Variants in PWWP2A observed in about 807,000 individuals in gnomAD.
The protein encoded by PWWP2A is PWWP domain containing 2A.
PWWP2A carries 18 observed loss-of-function variants against 48.5 expected under a neutral mutation model. That is an observed-to-expected ratio of 0.37 (90% CI 0.26 to 0.55). The LOEUF is 0.55. PWWP2A is among the 20% of genes least tolerant of loss of function. PWWP2A has a pLI of 0.81. For missense variants in PWWP2A, 867 were observed against 976.4 expected (o/e 0.89, Z 1.49); for synonymous variants, 396 against 387.7 (o/e 1.02, Z -0.25).
chr5:160,089,319 G>GA (rs1754885687), downstream of PWWP2A, among the ~76,000 whole-genome samples: 1 of 152,136 alleles, frequency 6.6e-6, no homozygotes, highest in South Asian at 2.1e-4. Flanking sequence ...AAGTAGCTAG[G>GA]ATACAGGCGA....
At chr5:160,052,968 TC>T in the PWWP2A span, among the ~76,000 whole-genome samples, 1 of 152,220 alleles carries the variant, frequency 6.6e-6, no homozygotes, top group Admixed American at 6.5e-5. Context: ...ATGGCTAGAT[TC>T]CTTTTTTCCC....
the PWWP2A span, among the ~76,000 whole-genome samples, chr5:160,048,422 T>G: frequency 1.3e-5 from 2 of 152,176 alleles, no homozygotes. Flanking sequence ...CCCAAAGTGC[T>G]GGGATTATGG....
chr5:160,071,227 GCTC>G (rs1753731993), downstream of PWWP2A, among the ~76,000 whole-genome samples: 1 of 152,130 alleles, frequency 6.6e-6, no homozygotes, highest in Non-Finnish European at 1.5e-5. Context: ...TATTTCTGGT[GCTC>G]CTTTTTAGTC....
downstream of PWWP2A, among the ~76,000 whole-genome samples, chr5:160,074,319 T>C (rs1355001528): frequency 6.6e-6 from 1 of 150,424 alleles, no homozygotes; most frequent in Non-Finnish European, 1.5e-5. Flanking sequence ...ATGCCTGTAA[T>C]CCCAGCTATT....
the PWWP2A span, chr5:160,049,636 A>G: frequency 1.9e-5 from 31 of 1,592,126 alleles, no homozygotes; most frequent in Admixed American, 3.7e-5. Context: ...AGATCCATCA[A>G]TACATCAAGC....
At chr5:160,089,554 T>C, downstream of PWWP2A, 1 of 1,284,358 alleles carries the variant, frequency 7.8e-7, no homozygotes, top group Non-Finnish European at 1.0e-6. Context: ...CATCTGTAAA[T>C]GAGAGTTGAA....
Position 160,119,083 on chromosome 5 carries a change from C to T in PWWP2A, c.306G>A (p.Ser102=). 1.3e-6 allele frequency: 2 copies of T among 1,588,342 alleles called. No individual in the cohort carries two copies. The highest frequency in any genetic ancestry group is 1.7e-6 in the Non-Finnish European group (2 of 1,175,954). ...EEKLSVRVAE[S]AAAAPQGGPE... ...GCCCTCCCTGAGGCGCGGCTGCCGC[C>T]GACTCCGCCACCCGAACGGACAGTT... Residue 102 remains serine (S), a synonymous_variant, in exon 1 of 2, where the codon TCG becomes TCA. Transcript: ENST00000307063.
chr5:160,088,151 C>T (rs563691736), downstream of PWWP2A, among the ~76,000 whole-genome samples: 1 of 152,334 alleles, frequency 6.6e-6, no homozygotes, highest in East Asian at 1.9e-4. Context: ...AACTAATGCA[C>T]ACTCGCCATT....
chr5:160,051,950 T>G, the PWWP2A span, among the ~76,000 whole-genome samples: 3 of 152,368 alleles, frequency 2.0e-5, no homozygotes, highest in East Asian at 5.8e-4. Context: ...AAAAATCATT[T>G]AAAATAAATT....
At chr5:160,101,056 G>A (rs1443212145) in intron 1 of PWWP2A, among the ~76,000 whole-genome samples, 1 of 152,128 alleles carries the variant, frequency 6.6e-6, no homozygotes, top group African/African-American at 2.4e-5. Context: ...GTCTTAAAAA[G>A]GATGAAATCA....
chr5:160,111,935 TG>T (rs1477235769), intron 1 of PWWP2A, among the ~76,000 whole-genome samples: 2 of 151,694 alleles, frequency 1.3e-5, no homozygotes, highest in African/African-American at 2.4e-5. Context: ...CGGATGAGCC[TG>T]GGCAACAAAG....
the PWWP2A span, among the ~76,000 whole-genome samples, chr5:160,053,764 A>G: frequency 6.6e-6 from 1 of 152,088 alleles, no homozygotes; most frequent in Non-Finnish European, 1.5e-5. Context: ...AGTAGTACAA[A>G]ATGGGTTTTT....
intron 2 of PWWP2A, among the ~76,000 whole-genome samples, chr5:160,084,852 T>A (rs776622145): frequency 6.6e-6 from 1 of 151,954 alleles, no homozygotes; most frequent in African/African-American, 2.4e-5. Flanking sequence ...TTACAAAAAA[T>A]TTTTCCACAG....
At chr5:160,072,573 T>C (rs868153417), downstream of PWWP2A, among the ~76,000 whole-genome samples, 3 of 152,020 alleles carry the variant, frequency 2.0e-5, no homozygotes, top group African/African-American at 7.2e-5. Flanking sequence ...AAATAAATAC[T>C]TTTTTTGTTA....
chr5:160,110,855 A>T (rs1757487990), intron 1 of PWWP2A, among the ~76,000 whole-genome samples: 1 of 151,702 alleles, frequency 6.6e-6, no homozygotes, highest in South Asian at 2.1e-4. Context: ...AACATGATGA[A>T]ATCCGTCTCT....
rs1755074465 is a variant in PWWP2A at position 160,091,625 on chromosome 5, C to T, written c.*757G>A. 2.0e-6 allele frequency: 2 copies of T among 983,970 alleles called. No homozygotes were observed. The highest frequency in any genetic ancestry group is 2.4e-6 in the Non-Finnish European group (2 of 829,372). 61.0% of individuals were successfully genotyped at this position (983,970 alleles called of 1,614,324 possible). ...ATTTAGCAATCACTATTTACAAATC[C>T]AAAATCAAACCTATCTAAACTCCCA... On this transcript the variant is annotated 3_prime_UTR_variant, in exon 2 of 2. Transcript: ENST00000307063.
chr5:160,075,805 TAAAAAAAAAAAAAAA>T (rs58558222), downstream of PWWP2A: 1 of 69,840 alleles, frequency 1.4e-5, no homozygotes, highest in Non-Finnish European at 2.6e-5. Context: ...ATTCTAATAG[TAAAAAAAAAAAAAAA>T]AAAAAAAAAA....
At chr5:160,062,718 C>T (rs1031266352) in intron 5 of PWWP2A, among the ~76,000 whole-genome samples, 1 of 152,156 alleles carries the variant, frequency 6.6e-6, no homozygotes, top group African/African-American at 2.4e-5. Flanking sequence ...ATGTGAGTGG[C>T]TCTTGATACT....
intron 2 of PWWP2A, among the ~76,000 whole-genome samples, chr5:160,083,985 T>A (rs1406586594): frequency 6.6e-6 from 1 of 152,218 alleles, no homozygotes; most frequent in African/African-American, 2.4e-5. Flanking sequence ...TCCAGAGACT[T>A]GTGAATAATC....
Sources: allele counts gnomAD v4.1 joint callset (sites outside exome capture counted in the v4.1 genomes callset), GRCh38; gene constraint gnomAD v4.1.1; transcripts MANE v1.5; gene names NCBI Gene and HGNC (gene_info 2026-07-23, HGNC 2026-07-21).